The following TRABD2B variants were observed in gnomAD, a reference collection of about 807,000 sequenced individuals.
TRABD2B encodes the protein TraB domain containing 2B, also known as metalloprotease TIKI2.
Under a neutral mutation model 40.1 loss-of-function variants are expected in TRABD2B, and 14 were observed. The observed-to-expected ratio is 0.35, with a 90% CI of 0.23 to 0.55. TRABD2B has a LOEUF of 0.55. TRABD2B is among the 20% of genes least tolerant of loss of function. The pLI is 0.90. For synonymous variants in TRABD2B, 263 were observed against 277.0 expected (o/e 0.95, Z 0.50); for missense variants, 541 against 648.6 (o/e 0.83, Z 1.80).
At chr1:47,984,567 C>A (rs778461040) in intron 2 of TRABD2B, among the ~76,000 whole-genome samples, 2 of 152,246 alleles carry the variant, frequency 1.3e-5, no homozygotes, top group African/African-American at 2.4e-5. Context: ...AGCATGGTCT[C>A]TCTCTAGTAG....
chr1:47,965,251 A>T (rs1207449308), intron 2 of TRABD2B, among the ~76,000 whole-genome samples: 2 of 94,548 alleles, frequency 2.1e-5, no homozygotes, highest in African/African-American at 4.3e-5. Context: ...AGGTGGGGGG[A>T]AAGTTTCAAC....
chr1:47,997,203 G>C lies in TRABD2B; in HGVS notation c.-414C>G. 1.0e-6 allele frequency: 1 copy of C among 983,406 alleles called. No individual in the cohort carries two copies. The highest frequency in any genetic ancestry group is 1.8e-5 in the African/African-American group (1 of 56,734). 60.9% of individuals were successfully genotyped at this position (983,406 alleles called of 1,614,324 possible). On this transcript the variant is annotated 5_prime_UTR_variant, in exon 1 of 7. Transcript: ENST00000606738. ...GCACCCGGGGCACGCAAGGGTCCCA[G>C]GGGTGCGCGGCGCTCCAGGAGGCGC...
At chr1:47,811,610 C>G (rs1225467196) in intron 2 of TRABD2B, among the ~76,000 whole-genome samples, 1 of 152,202 alleles carries the variant, frequency 6.6e-6, no homozygotes, top group African/African-American at 2.4e-5. Flanking sequence ...GGTAGGGAGG[C>G]TGATGGTTGG....
At chr1:47,955,793 C>T (rs1434560112) in intron 2 of TRABD2B, among the ~76,000 whole-genome samples, 1 of 152,154 alleles carries the variant, frequency 6.6e-6, no homozygotes, top group African/African-American at 2.4e-5. Context: ...TGACTGTGCT[C>T]ATGTGGTCCT....
intron 2 of TRABD2B, among the ~76,000 whole-genome samples, chr1:47,817,177 G>A (rs2124386085): frequency 6.6e-6 from 1 of 152,152 alleles, no homozygotes; most frequent in South Asian, 2.1e-4. Flanking sequence ...TTTCCTAGAG[G>A]GGCGGCCTCC....
intron 2 of TRABD2B, among the ~76,000 whole-genome samples, chr1:47,847,869 C>T (rs1397666084): frequency 1.3e-5 from 2 of 152,168 alleles, no homozygotes; most frequent in Admixed American, 1.3e-4. Flanking sequence ...GCTTTGATAG[C>T]GCCTCATTAC....
At chr1:47,869,434 G>A (rs181446627) in intron 2 of TRABD2B, among the ~76,000 whole-genome samples, 3 of 152,296 alleles carry the variant, frequency 2.0e-5, no homozygotes, top group East Asian at 3.9e-4. Context: ...TGTGATCACC[G>A]ATTTAAGCAA....
At chr1:47,957,987 C>T (rs988482988) in intron 2 of TRABD2B, among the ~76,000 whole-genome samples, 5 of 152,192 alleles carry the variant, frequency 3.3e-5, no homozygotes, top group African/African-American at 4.8e-5. Flanking sequence ...CAAAGGGAAG[C>T]CCATCAGACT....
At chr1:47,850,750 T>A (rs1441518909) in intron 2 of TRABD2B, among the ~76,000 whole-genome samples, 2 of 152,182 alleles carry the variant, frequency 1.3e-5, no homozygotes, top group African/African-American at 4.8e-5. Flanking sequence ...CCCTGCCCAC[T>A]CTCCGCCTCC....
intron 2 of TRABD2B, among the ~76,000 whole-genome samples, chr1:47,807,418 T>C (rs576704674): frequency 1.3e-5 from 2 of 152,320 alleles, no homozygotes; most frequent in South Asian, 4.1e-4. Context: ...GGACTACTAA[T>C]GGCCCAGACC....
intron 2 of TRABD2B, among the ~76,000 whole-genome samples, chr1:47,958,085 C>A (rs1645451913): frequency 6.6e-6 from 1 of 151,872 alleles, no homozygotes; most frequent in Non-Finnish European, 1.5e-5. Context: ...ATTTTCAACC[C>A]AGAATTTCAT....
Position 47,997,365 on chromosome 1 carries a change from G to T in TRABD2B, c.-576C>A. ...CCCGGGCTCCGCCATGCTGCTCCGC[G>T]GCCGGGAGGGAGGGAGAGAGGAGGG... On this transcript the variant is annotated 5_prime_UTR_variant, in exon 1 of 7. Transcript: ENST00000606738. 4.1e-6 allele frequency: 1 copy of T among 245,620 alleles called. No homozygotes were observed. The highest frequency in any genetic ancestry group is 6.2e-6 in the Non-Finnish European group (1 of 160,328). 15.2% of individuals were successfully genotyped at this position (245,620 alleles called of 1,614,324 possible).
intron 2 of TRABD2B, among the ~76,000 whole-genome samples, chr1:47,852,626 G>A (rs535195296): frequency 2.0e-5 from 3 of 152,286 alleles, no homozygotes; most frequent in African/African-American, 4.8e-5. Flanking sequence ...GTGATTGCCC[G>A]AGCTCCCTCT....
intron 2 of TRABD2B, among the ~76,000 whole-genome samples, chr1:47,823,738 G>A (rs544231803): frequency 3.3e-5 from 5 of 152,328 alleles, no homozygotes; most frequent in East Asian, 1.9e-4. Context: ...CCAGGCAGCC[G>A]AGGCCTGTAA....
chr1:47,773,758 A>C (rs1021914822), intron 6 of TRABD2B, among the ~76,000 whole-genome samples: 1 of 152,260 alleles, frequency 6.6e-6, no homozygotes, highest in African/African-American at 2.4e-5. Flanking sequence ...GCATGAGAAC[A>C]GACTAATACA....
chr1:47,895,122 T>G (rs1025729931), intron 2 of TRABD2B, among the ~76,000 whole-genome samples: 1 of 152,110 alleles, frequency 6.6e-6, no homozygotes, highest in African/African-American at 2.4e-5. Flanking sequence ...GGATATAGAT[T>G]TGACACTCAA....
rs1031533175 is a variant in TRABD2B, at chr1:47,963,891, A to C, written c.666+30143T>G. Among the ~76,000 whole-genome samples the C allele has an allele frequency of 5.9e-5, 9 of 152,370 alleles. 1 individual carries two copies. The highest frequency in any genetic ancestry group is 6.8e-3 in the Middle Eastern group (2 of 294). On this transcript the variant is annotated intron_variant, in intron 2 of 6. Transcript: ENST00000606738. ...GCGGAGTTAACAACGTCTAGTCTGC[A>C]ACAGGAGCTCAACAAACATGTGAGC...
At chr1:47,818,052 A>C (rs4927102) in intron 2 of TRABD2B, 148,797 of 152,466 alleles carry the variant, frequency 0.98, 72,725 homozygotes, top group East Asian at 1. Context: ...GCCGCCGCGG[A>C]GAGGCAGGGC....
intron 2 of TRABD2B, among the ~76,000 whole-genome samples, chr1:47,981,233 C>T (rs982144237): frequency 3.3e-5 from 5 of 152,080 alleles, no homozygotes; most frequent in Admixed American, 2.0e-4. Context: ...AGATTGGTTT[C>T]GAACTCCTGG....
Sources: gnomAD v4.1 joint callset for allele counts (sites outside exome capture counted in the v4.1 genomes callset) on GRCh38, gnomAD v4.1.1 for gene constraint, MANE v1.5 for transcripts, NCBI Gene and HGNC (gene_info 2026-07-23, HGNC 2026-07-21) for gene names.